Variants in CHRNA7 observed in about 807,000 individuals in gnomAD.
The protein encoded by CHRNA7 is neuronal acetylcholine receptor subunit alpha-7.
Under a neutral mutation model 48.0 loss-of-function variants are expected in CHRNA7, and 17 were observed. The observed-to-expected ratio is 0.35, with a 90% CI of 0.24 to 0.53. CHRNA7 has a LOEUF of 0.53. Among genes scored for constraint, CHRNA7 ranks in the 20% least tolerant of loss-of-function variants. CHRNA7 has a pLI of 0.92. For synonymous variants in CHRNA7, 75 were observed against 242.3 expected, an observed-to-expected ratio of 0.31 and a Z score of 6.41; for missense variants, 155 against 577.7, an observed-to-expected ratio of 0.27 and a Z score of 7.50.
chr15:32,077,451 C>T (rs1274883075), intron 2 of CHRNA7, among the ~76,000 whole-genome samples: 1 of 152,168 alleles, frequency 6.6e-6, no homozygotes, highest in Non-Finnish European at 1.5e-5. Flanking sequence ...TTGTCCTTGC[C>T]AGCATTTGGT....
At chr15:32,037,419 G>T (rs1250198325) in intron 2 of CHRNA7, among the ~76,000 whole-genome samples, 2 of 152,040 alleles carry the variant, frequency 1.3e-5, no homozygotes, top group East Asian at 1.9e-4. Flanking sequence ...GGTCTTTTGC[G>T]TCTCTCTATA....
intron 2 of CHRNA7, among the ~76,000 whole-genome samples, chr15:32,085,588 T>TA (rs1219676446): frequency 6.6e-6 from 1 of 152,252 alleles, no homozygotes; most frequent in African/African-American, 2.4e-5. Flanking sequence ...GAGTGTATGT[T>TA]AAAAATAACC....
intron 4 of CHRNA7, among the ~76,000 whole-genome samples, chr15:32,122,293 C>G (rs77282873): frequency 1.6e-3 from 242 of 152,190 alleles, no homozygotes; most frequent in African/African-American, 5.4e-3. Context: ...CTTCTAGCAC[C>G]CTTAGATTAA....
intron 4 of CHRNA7, among the ~76,000 whole-genome samples, chr15:32,139,929 TTTA>T (rs1219310583): frequency 6.6e-6 from 1 of 152,174 alleles, no homozygotes; most frequent in Non-Finnish European, 1.5e-5. Flanking sequence ...ATAAGCCTTT[TTTA>T]TTATTATACT....
At chr15:32,123,208 AAGAAGT>A (rs1441865207) in intron 4 of CHRNA7, among the ~76,000 whole-genome samples, 2 of 152,242 alleles carry the variant, frequency 1.3e-5, no homozygotes, top group East Asian at 3.8e-4. Context: ...GCAGGGGACT[AAGAAGT>A]AGAAGAAGTA....
chr15:32,172,030 TAG>T lies in CHRNA7; in HGVS notation c.*3575_*3576del, dbSNP rs555983446. 101 of 23,796 alleles carry T rather than the reference TAG, an allele frequency of 4.2e-3. No homozygotes were observed. The highest frequency in any genetic ancestry group is 0.01 in the African/African-American group (101 of 9,818). 1.5% of individuals were successfully genotyped at this position (23,796 alleles called of 1,614,324 possible). On this transcript the variant is annotated 3_prime_UTR_variant, in exon 10 of 10. Coordinates refer to ENST00000306901, the MANE Select transcript of CHRNA7 (RefSeq NM_000746.6). The stretch of plus-strand genomic sequence containing the variant: ...TCTCTCATATGAATCTTTTTTCAAT[TAG>T]AGTCACAATGAATTTACAGATTGAG...
chr15:32,145,541 G>A (rs1254144024), intron 4 of CHRNA7, among the ~76,000 whole-genome samples: 1 of 152,188 alleles, frequency 6.6e-6, no homozygotes, highest in Non-Finnish European at 1.5e-5. Flanking sequence ...AGTCTATAGA[G>A]GCAGTAGGCC....
intron 2 of CHRNA7, chr15:32,100,710 T>C (rs1464881380): frequency 6.5e-6 from 1 of 154,636 alleles, no homozygotes; most frequent in South Asian, 2.0e-4. Flanking sequence ...GGGTAGGCTT[T>C]ACCTTCAGGT....
intron 1 of CHRNA7, 109 bp from the exon 2 acceptor site, chr15:32,030,789 G>A: frequency 6.7e-7 from 1 of 1,503,720 alleles, no homozygotes; most frequent in East Asian, 2.5e-5. Context: ...TGCGGGGGCT[G>A]CTTGTCTGGG....
chr15:32,115,616 T>G (rs1271436525), intron 4 of CHRNA7, among the ~76,000 whole-genome samples: 1 of 152,024 alleles, frequency 6.6e-6, no homozygotes, highest in Non-Finnish European at 1.5e-5. Context: ...GCCCACCCCT[T>G]AACTCCCAGT....
chr15:32,148,883 T>G (rs2051552665), intron 4 of CHRNA7, among the ~76,000 whole-genome samples: 2 of 152,326 alleles, frequency 1.3e-5, no homozygotes, highest in Admixed American at 1.3e-4. Context: ...CCACATCCGT[T>G]TCCGTCTTTG....
At chr15:32,099,368 G>A (rs891054777) in intron 2 of CHRNA7, 4 of 152,184 alleles carry the variant, frequency 2.6e-5, no homozygotes, top group Admixed American at 2.6e-4. Flanking sequence ...AGTCTTTGTG[G>A]GGGGTTCCCC....
intron 2 of CHRNA7, among the ~76,000 whole-genome samples, chr15:32,080,561 A>T (rs2050200239): frequency 6.6e-6 from 1 of 152,234 alleles, no homozygotes; most frequent in African/African-American, 2.4e-5. Flanking sequence ...ATCACGAATC[A>T]TTAGAGAAAT....
At chr15:32,128,040 A>T (rs2051097887) in intron 4 of CHRNA7, among the ~76,000 whole-genome samples, 2 of 151,982 alleles carry the variant, frequency 1.3e-5, no homozygotes, top group Admixed American at 1.3e-4. Flanking sequence ...GTGGATTTTC[A>T]GTTATTCCAG....
chr15:32,096,937 G>A (rs538241236), intron 2 of CHRNA7, among the ~76,000 whole-genome samples: 3 of 152,312 alleles, frequency 2.0e-5, no homozygotes, highest in East Asian at 1.9e-4. Flanking sequence ...TCTGTGGCGG[G>A]CTGGGGACCC....
intron 2 of CHRNA7, among the ~76,000 whole-genome samples, chr15:32,040,314 T>A (rs990576070): frequency 6.6e-6 from 1 of 152,122 alleles, no homozygotes; most frequent in Non-Finnish European, 1.5e-5. Context: ...GTTCCTTATT[T>A]CAGTTTTTGT....
chr15:32,150,425 T>G (rs746531610), intron 4 of CHRNA7, among the ~76,000 whole-genome samples: 1 of 152,144 alleles, frequency 6.6e-6, no homozygotes, highest in African/African-American at 2.4e-5. Context: ...CCACGTCTGG[T>G]GCGGGTTAGA....
intron 2 of CHRNA7, among the ~76,000 whole-genome samples, chr15:32,039,728 T>A (rs2049413660): frequency 1.1e-5 from 1 of 87,736 alleles, no homozygotes; most frequent in Admixed American, 1.0e-4. Context: ...TCTGCTGTTG[T>A]TGGATAAAAT....
chr15:32,032,588 G>A (rs527367796), intron 2 of CHRNA7, among the ~76,000 whole-genome samples: 2 of 152,262 alleles, frequency 1.3e-5, no homozygotes, highest in African/African-American at 4.8e-5. Context: ...AACACACCCC[G>A]CAAGTGGTGT....
Sources: allele counts gnomAD v4.1 joint callset (sites outside exome capture counted in the v4.1 genomes callset), GRCh38; gene constraint gnomAD v4.1.1; transcripts MANE v1.5; gene names NCBI Gene and HGNC (gene_info 2026-07-23, HGNC 2026-07-21).